KCNN3: variants seen among roughly 807,000 people sequenced by gnomAD.
KCNN3 encodes the protein potassium calcium-activated channel subfamily N member 3.
KCNN3 carries 16 observed loss-of-function variants against 62.9 expected under a neutral mutation model. The ratio of observed to expected loss-of-function variants is 0.25; its 90% confidence interval spans 0.17 to 0.39. The LOEUF is 0.39. Among genes scored for constraint, KCNN3 ranks in the 10% least tolerant of loss-of-function variants. KCNN3 has a pLI of 1.00. For synonymous variants in KCNN3, 370 were observed against 389.2 expected (o/e 0.95, Z 0.58); for missense variants, 599 against 949.4 (o/e 0.63, Z 4.85).
intron 1 of KCNN3, among the ~76,000 whole-genome samples, chr1:154,834,477 C>T (rs910704716): frequency 6.6e-6 from 1 of 152,220 alleles, no homozygotes; most frequent in African/African-American, 2.4e-5. Context: ...TTATTTCCTC[C>T]ATTTCTTTCT....
At chr1:154,735,933 A>G (rs1206672056) in intron 3 of KCNN3, among the ~76,000 whole-genome samples, 1 of 152,232 alleles carries the variant, frequency 6.6e-6, no homozygotes, top group East Asian at 1.9e-4. Flanking sequence ...TCCACGCCAC[A>G]AGCCTGCAAC....
At chr1:154,761,337 G>A (rs1413251043) in intron 3 of KCNN3, among the ~76,000 whole-genome samples, 4 of 152,050 alleles carry the variant, frequency 2.6e-5, no homozygotes, top group South Asian at 2.1e-4. Flanking sequence ...GCATGGTGGC[G>A]CACGCCTGTA....
At chr1:154,719,338 G>T (rs964562937) in intron 5 of KCNN3, among the ~76,000 whole-genome samples, 1 of 152,188 alleles carries the variant, frequency 6.6e-6, no homozygotes, top group African/African-American at 2.4e-5. Flanking sequence ...AATTTCTTCA[G>T]TGTGTGAACA....
Position 154,766,320 on chromosome 1 carries a change from A to T in KCNN3, c.1448+5655T>A, listed in dbSNP as rs1158489958. ...AAATCATGGGCTCCTACCAATTAAA[A>T]ATTTTTTGAGCATGCCCTCCTCCAT... On this transcript the variant is annotated intron_variant, in intron 3 of 7. Transcript: ENST00000271915. Among the ~76,000 whole-genome samples, 13 of 150,122 alleles carry T rather than the reference A, an allele frequency of 8.7e-5. No individual in the cohort carries two copies. The East Asian group carries it at 2.5e-3, about 29-fold the overall frequency.
Position 154,707,666 on chromosome 1 carries a change from G to A in KCNN3, c.*310C>T, listed in dbSNP as rs1699991038. On this transcript the variant is annotated 3_prime_UTR_variant, in exon 8 of 8. Transcript: ENST00000271915. ...TCAGTGCATCTGACCCCCACCCCCC[G>A]CGTGAAGACCTGAGATTGAGCGTGG... 2 of 272,808 alleles carry A rather than the reference G, an allele frequency of 7.3e-6. No homozygotes were observed. Among genetic ancestry groups the A allele is most frequent in the Non-Finnish European group, 1.4e-5 (2 of 144,600 alleles). The allele number at this position is 272,808 out of a possible 1,614,324, so 16.9% of individuals were successfully genotyped here.
chr1:154,765,796 G>GT (rs199964273), intron 3 of KCNN3, among the ~76,000 whole-genome samples: 7,359 of 149,634 alleles, frequency 0.049, 226 homozygotes, highest in East Asian at 0.19. Context: ...GTTTTTTTTG[G>GT]TTTTTTTTTG....
chr1:154,745,145 C>T (rs778521027), intron 3 of KCNN3, among the ~76,000 whole-genome samples: 1 of 152,132 alleles, frequency 6.6e-6, no homozygotes, highest in African/African-American at 2.4e-5. Flanking sequence ...AAAATAACGA[C>T]GTTTTCCTCT....
chr1:154,717,121 A>G (rs73003288), intron 5 of KCNN3, among the ~76,000 whole-genome samples: 2,668 of 152,292 alleles, frequency 0.018, 75 homozygotes, highest in African/African-American at 0.062. Flanking sequence ...TGGGGGCAAC[A>G]CTTAACATCT....
chr1:154,821,429 G>C (rs1650887721), intron 2 of KCNN3, among the ~76,000 whole-genome samples: 1 of 152,208 alleles, frequency 6.6e-6, no homozygotes, highest in Admixed American at 6.5e-5. Flanking sequence ...TCTCCTGTCT[G>C]ACCCTCCTGG....
chr1:154,772,473 G>C lies in KCNN3; in HGVS notation c.1030-80C>G. 1.4e-6 allele frequency: 2 copies of C among 1,408,736 alleles called. No homozygotes were observed. The highest frequency in any genetic ancestry group is 2.0e-6 in the Non-Finnish European group (2 of 1,007,786). 87.3% of individuals were successfully genotyped at this position (1,408,736 alleles called of 1,614,324 possible). On this transcript the variant is annotated intron_variant, in intron 2 of 7. Coordinates refer to ENST00000271915, the MANE Select transcript of KCNN3 (RefSeq NM_002249.6). This position sits in a 1 kb window ranked among gnomAD's most constrained non-coding sequence, Gnocchi z 5.6. ...GGTCCAGGCAGGACAGGTGGGGCAGGCTGGGGCAGGCTGCTGGGCTCAGGT... is the reference window on the plus strand; with the variant it reads ...GGTCCAGGCAGGACAGGTGGGGCAGCCTGGGGCAGGCTGCTGGGCTCAGGT...
At chr1:154,843,355 G>A (rs1266961142) in intron 1 of KCNN3, among the ~76,000 whole-genome samples, 3 of 152,106 alleles carry the variant, frequency 2.0e-5, no homozygotes, top group East Asian at 1.9e-4. Flanking sequence ...GGTTCCCAGC[G>A]TCCCTTCAGC....
rs576665902 is a variant in KCNN3 at position 154,744,789 on chromosome 1, A to C, written c.1449-11645T>G. On this transcript the variant is annotated intron_variant, in intron 3 of 7. Transcript: ENST00000271915. Reference sequence around the variant, plus strand: ...TCTTAAGGGTATTATGAGTTCCTTTAGTTTAGGAGCATTTCAGAAATGCTT... The same window carrying C: ...TCTTAAGGGTATTATGAGTTCCTTTCGTTTAGGAGCATTTCAGAAATGCTT... Among the ~76,000 whole-genome samples the C allele has an allele frequency of 2.6e-5, 4 of 152,224 alleles. No individual in the cohort carries two copies. In the South Asian group the frequency reaches 8.3e-4, roughly 32 times the overall value.
At chr1:154,820,649 C>T (rs1650853677) in intron 2 of KCNN3, among the ~76,000 whole-genome samples, 1 of 152,222 alleles carries the variant, frequency 6.6e-6, no homozygotes. Context: ...TGGCTCCTTT[C>T]TGGGGCTGAC....
intron 1 of KCNN3, among the ~76,000 whole-genome samples, chr1:154,861,664 T>C (rs969406806): frequency 6.6e-6 from 1 of 152,064 alleles, no homozygotes; most frequent in Non-Finnish European, 1.5e-5. Context: ...TGAGTCACTG[T>C]CTCCTTCCTC....
chr1:154,729,708 A>C (rs1485632368), intron 4 of KCNN3, among the ~76,000 whole-genome samples: 1 of 152,214 alleles, frequency 6.6e-6, no homozygotes, highest in African/African-American at 2.4e-5. Flanking sequence ...GCAACAACTA[A>C]AATAACATCA....
At chr1:154,834,255 T>G (rs186589503) in intron 1 of KCNN3, among the ~76,000 whole-genome samples, 5 of 152,306 alleles carry the variant, frequency 3.3e-5, no homozygotes, top group Admixed American at 2.6e-4. Flanking sequence ...TGCCTGCCCA[T>G]GTCCAAGCAT....
intron 1 of KCNN3, among the ~76,000 whole-genome samples, chr1:154,848,320 G>A (rs771896581): frequency 4.6e-5 from 7 of 152,112 alleles, no homozygotes; most frequent in Non-Finnish European, 1.0e-4. Flanking sequence ...CAAGCTGCCT[G>A]CCTCCCCAGA....
At position 154,819,424 on chromosome 1, in the gene KCNN3, A is replaced by G. The variant is rs562311662; in HGVS notation, c.1029+2665T>C. Among the ~76,000 whole-genome samples the G allele has an allele frequency of 3.9e-5, 6 of 152,342 alleles. No individual in the cohort carries two copies. The South Asian group carries it at 8.3e-4, about 21-fold the overall frequency. ...CGAGAAGAGTATACTGTCAGACACT[A>G]TAAGTCTCTGGACATGCAAAGATTA... On this transcript the variant is annotated intron_variant, in intron 2 of 7. Coordinates refer to ENST00000271915, the MANE Select transcript of KCNN3 (RefSeq NM_002249.6).
intron 3 of KCNN3, among the ~76,000 whole-genome samples, chr1:154,762,877 C>T (rs1648083585): frequency 6.6e-6 from 1 of 152,138 alleles, no homozygotes; most frequent in Non-Finnish European, 1.5e-5. Flanking sequence ...TCCAAGCTTC[C>T]AATTTCTCCA....
Sources: allele counts gnomAD v4.1 joint callset (sites outside exome capture counted in the v4.1 genomes callset), GRCh38; gene constraint gnomAD v4.1.1; non-coding constraint Gnocchi (gnomAD v3.1); transcripts MANE v1.5; gene names NCBI Gene and HGNC (gene_info 2026-07-23, HGNC 2026-07-21).